Variants in SSX7 observed in about 807,000 individuals in gnomAD.
SSX7 encodes the protein SSX family member 7.
In SSX7, 15 loss-of-function variants were observed where a neutral mutation model predicts 14.7. The observed-to-expected ratio is 1.02, with a 90% CI of 0.68 to 1.58. The LOEUF (loss-of-function observed/expected upper bound fraction) is 1.58, where lower values mean the gene tolerates loss of function less well. SSX7 is among the 40% of genes most tolerant of loss of function. The probability of loss-of-function intolerance (pLI) is 0.00; values close to 1 mark genes in which losing one functional copy is unlikely to be tolerated. For synonymous variants in SSX7, 46 were observed against 50.6 expected (o/e 0.91, Z 0.38); for missense variants, 178 against 146.8 (o/e 1.21, Z -1.10).
intron 6 of SSX7, among the ~76,000 whole-genome samples, chrX:52,646,432 C>T (rs1205918959): frequency 8.9e-6 from 1 of 112,811 alleles, no homozygotes; most frequent in Admixed American, 9.4e-5. Flanking sequence ...TTTTGATACA[C>T]GCATGCCATG....
intron 5 of SSX7, among the ~76,000 whole-genome samples, chrX:52,649,739 A>G (rs1195204299): frequency 8.9e-6 from 1 of 112,286 alleles, no homozygotes; most frequent in Admixed American, 9.5e-5. Context: ...TATTGCGAGA[A>G]TGGGTGTCTC....
In SSX7 at chrX:52,648,398, T is replaced by C; in HGVS notation, c.331-2A>G. On this transcript the variant is annotated splice_acceptor_variant, in intron 5 of 7. Coordinates refer to ENST00000298181, the MANE Select transcript of SSX7 (RefSeq NM_173358.2). LOFTEE classifies it high-confidence loss of function. ...CTCTGCTGGCTTCTTGGGCATGATC[T>C]TTATAATGTGAAGGTCACAGATAAA... The C allele has an allele frequency of 1.7e-6, 2 of 1,211,316 alleles. No homozygotes were observed. Among genetic ancestry groups the C allele is most frequent in the Non-Finnish European group, 2.2e-6 (2 of 895,213 alleles).
intron 7 of SSX7, among the ~76,000 whole-genome samples, 180 bp downstream of exon 7, chrX:52,645,259 C>A (rs1307740599): frequency 1.3e-4 from 13 of 101,046 alleles, no homozygotes; most frequent in Non-Finnish European, 2.0e-4. Context: ...CCACAAAGGG[C>A]GAATCCGTCA....
chrX:52,648,094 A>C (rs1925307169), intron 6 of SSX7, among the ~76,000 whole-genome samples, 167 bp downstream of exon 6: 1 of 112,184 alleles, frequency 8.9e-6, no homozygotes, highest in Non-Finnish European at 1.9e-5. Context: ...TGACAACTCC[A>C]GTCTGTATCT....
At chrX:52,646,106 C>T (rs1925237458) in intron 6 of SSX7, among the ~76,000 whole-genome samples, 1 of 111,128 alleles carries the variant, frequency 9.0e-6, no homozygotes. Context: ...CTCTGTCGCC[C>T]AGACTGGAGT....
At chrX:52,645,630 C>A in intron 6 of SSX7, 87 bp from the exon 7 acceptor site, 1 of 797,443 alleles carries the variant, frequency 1.3e-6, no homozygotes, top group Middle Eastern at 4.8e-4. Flanking sequence ...GATGCCTCCC[C>A]CCTCCCAAGT....
chrX:52,651,406 A>AT (rs1293548464), intron 4 of SSX7, among the ~76,000 whole-genome samples: 2 of 111,698 alleles, frequency 1.8e-5, no homozygotes, highest in African/African-American at 3.3e-5. Flanking sequence ...CTCTTGTAAC[A>AT]TTTTTTTAGC....
chrX:52,653,385 T>C lies in SSX7; in HGVS notation c.69+19A>G. On this transcript the variant is annotated intron_variant, in intron 2 of 7. Coordinates refer to ENST00000298181, the MANE Select transcript of SSX7 (RefSeq NM_173358.2). The stretch of plus-strand genomic sequence containing the variant: ...ACTGTCCCCTGGGCCACTACTCTGC[T>C]CCCTCCAGGTCACCTCACCTTTTGG... The C allele has an allele frequency of 8.3e-7, 1 of 1,210,873 alleles. No individual in the cohort carries two copies. The highest frequency in any genetic ancestry group is 1.1e-6 in the Non-Finnish European group (1 of 895,139).
chrX:52,648,185 T>C (rs1472665371), intron 6 of SSX7, 76 bp downstream of exon 6: 43 of 1,154,510 alleles, frequency 3.7e-5, no homozygotes, highest in Non-Finnish European at 4.9e-5. Flanking sequence ...CTGGGGTCCA[T>C]GCCACACACC....
chrX:52,652,153 G>C, intron 4 of SSX7, 99 bp downstream of exon 4: 1 of 697,554 alleles, frequency 1.4e-6, no homozygotes, highest in Non-Finnish European at 2.3e-6. Flanking sequence ...GCCCTGATGT[G>C]TATGAGGGAA....
rs1397581814 is a variant in SSX7 at position 52,644,417 on chromosome X, C to T, written c.*258G>A. On this transcript the variant is annotated 3_prime_UTR_variant, in exon 8 of 8. Transcript: ENST00000298181. The stretch of plus-strand genomic sequence containing the variant: ...GTGCATGGATACACAAACCGAAATA[C>T]ACATTAAGCATGTCTTGCTCATCAA... 4.7e-6 allele frequency: 2 copies of T among 425,779 alleles called. No individual in the cohort carries two copies. Among genetic ancestry groups the T allele is most frequent in the East Asian group, 8.0e-5 (2 of 25,038 alleles). 35.1% of individuals were successfully genotyped at this position (425,779 alleles called of 1,213,427 possible).
rs375280413 is a variant in SSX7, at chrX:52,652,928, G to A, written c.126C>T (p.Ser42=). 12 of 1,202,217 alleles carry A rather than the reference G, an allele frequency of 1.0e-5. No homozygotes were observed. The highest frequency in any genetic ancestry group is 1.8e-5 in the African/African-American group (1 of 57,011). The change falls in exon 3 of 8, where the codon TCC becomes TCT. Residue 42 remains serine (S), a synonymous_variant. Transcript: ENST00000298181. ...TATACACATAGCTGATTTTCTCCAAGGATTTCATCTTTTCCCACTCTTTCT... is the reference window on the plus strand; with the variant it reads ...TATACACATAGCTGATTTTCTCCAAAGATTTCATCTTTTCCCACTCTTTCT... ...FSKKEWEKMK[S]LEKISYVYMK...
At chrX:52,652,220 A>G (rs1925456111) in intron 4 of SSX7, 32 bp downstream of exon 4, 1 of 1,102,227 alleles carries the variant, frequency 9.1e-7, no homozygotes, top group South Asian at 1.8e-5. Context: ...GGGCTTGAGG[A>G]GACCCTTTCC....
chrX:52,644,790 C>T (rs1925180357), intron 7 of SSX7, 120 bp from the exon 8 acceptor site: 1 of 771,775 alleles, frequency 1.3e-6, no homozygotes, highest in Admixed American at 2.2e-5. Flanking sequence ...ACCCCAGGAC[C>T]TGCACACGCC....
At chrX:52,645,944 G>A (rs3122207) in intron 6 of SSX7, among the ~76,000 whole-genome samples, 18 of 110,860 alleles carry the variant, frequency 1.6e-4, no homozygotes, top group Admixed American at 4.8e-4. Flanking sequence ...ACACCTTTCC[G>A]TTATTATTAT....
chrX:52,644,959 C>T (rs1202402871), intron 7 of SSX7, among the ~76,000 whole-genome samples: 1 of 111,085 alleles, frequency 9.0e-6, no homozygotes, highest in Non-Finnish European at 1.9e-5. Context: ...CCTGGATATA[C>T]AGGGCAGGGA....
At chrX:52,647,919 A>G (rs1248389086) in intron 6 of SSX7, among the ~76,000 whole-genome samples, 1 of 112,114 alleles carries the variant, frequency 8.9e-6, no homozygotes, top group Non-Finnish European at 1.9e-5. Context: ...GTTATCAAAG[A>G]TAGAATCGCT....
At chrX:52,649,600 G>C (rs137986601) in intron 5 of SSX7, among the ~76,000 whole-genome samples, 2,240 of 111,673 alleles carry the variant, frequency 0.02, 30 homozygotes, top group Middle Eastern at 0.092. Flanking sequence ...TGGGATGGGG[G>C]CTTCTGGGAT....
chrX:52,651,460 A>T (rs782464395), intron 4 of SSX7, among the ~76,000 whole-genome samples: 82 of 112,222 alleles, frequency 7.3e-4, no homozygotes, highest in African/African-American at 2.5e-3. Context: ...ACAACATGTC[A>T]TCTAAAAAAG....
Sources: allele counts gnomAD v4.1 joint callset (sites outside exome capture counted in the v4.1 genomes callset), GRCh38; gene constraint gnomAD v4.1.1; transcripts MANE v1.5; gene names NCBI Gene and HGNC (gene_info 2026-07-23, HGNC 2026-07-21).